Variants in PRKCH observed in about 807,000 individuals in gnomAD.
The protein encoded by PRKCH is protein kinase C eta.
PRKCH carries 28 observed loss-of-function variants against 82.5 expected under a neutral mutation model. The ratio of observed to expected loss-of-function variants is 0.34; its 90% CI spans 0.25 to 0.47. PRKCH has a LOEUF of 0.47. Among genes scored for constraint, PRKCH ranks in the 20% least tolerant of loss-of-function variants. The pLI, the probability that PRKCH is intolerant of heterozygous loss-of-function variation, is 1.00. For synonymous variants in PRKCH, 322 were observed against 327.4 expected (o/e 0.98, Z 0.18); for missense variants, 705 against 881.8 (o/e 0.80, Z 2.54).
At chr14:61,524,435 G>A (rs533575299) in intron 10 of PRKCH, among the ~76,000 whole-genome samples, 4 of 152,168 alleles carry the variant, frequency 2.6e-5, no homozygotes, top group African/African-American at 4.8e-5. Flanking sequence ...ATGGCAAGCC[G>A]GTAACTGTGG....
chr14:61,235,643 G>C (rs902466343), intron 1 of PRKCH, among the ~76,000 whole-genome samples: 1 of 152,226 alleles, frequency 6.6e-6, no homozygotes, highest in African/African-American at 2.4e-5. Flanking sequence ...AGGCAAAAGA[G>C]ATGCAACCAC....
chr14:61,423,533 G>A (rs1652260393), intron 2 of PRKCH, among the ~76,000 whole-genome samples: 2 of 152,226 alleles, frequency 1.3e-5, no homozygotes, highest in South Asian at 4.1e-4. Flanking sequence ...GGATGAGGAA[G>A]CACTTTTATG....
chr14:61,276,890 A>C (rs2045208112), intron 1 of PRKCH, among the ~76,000 whole-genome samples: 1 of 152,116 alleles, frequency 6.6e-6, no homozygotes, highest in East Asian at 1.9e-4. Context: ...TCTGAATCTT[A>C]ATAATTACAT....
intron 1 of PRKCH, among the ~76,000 whole-genome samples, chr14:61,255,836 C>G (rs1198085977): frequency 6.6e-6 from 1 of 152,118 alleles, no homozygotes; most frequent in Non-Finnish European, 1.5e-5. Flanking sequence ...GCCAAATTTC[C>G]TAATAATACG....
intron 1 of PRKCH, among the ~76,000 whole-genome samples, chr14:61,384,902 G>GT (rs1444008418): frequency 6.6e-6 from 1 of 152,096 alleles, no homozygotes; most frequent in Non-Finnish European, 1.5e-5. Context: ...AAATTTAGGT[G>GT]TAAGTTACAA....
chr14:61,202,332 G>T (rs574690521), intron 1 of PRKCH, among the ~76,000 whole-genome samples: 1 of 152,290 alleles, frequency 6.6e-6, no homozygotes, highest in East Asian at 1.9e-4. Flanking sequence ...TTCCTCTTCC[G>T]GTCTGTGTCT....
At chr14:61,344,986 A>T (rs184727408) in intron 1 of PRKCH, among the ~76,000 whole-genome samples, 2 of 152,264 alleles carry the variant, frequency 1.3e-5, no homozygotes. Context: ...GAATGACCTT[A>T]TCATTAGGCT....
chr14:61,436,169 G>A lies in PRKCH; in HGVS notation c.428-6942G>A, dbSNP rs1409473392. Among the ~76,000 whole-genome samples, 3 of 152,230 alleles carry A rather than the reference G, an allele frequency of 2.0e-5. No homozygotes were observed. In the East Asian group the frequency reaches 5.8e-4, roughly 29 times the overall value. On this transcript the variant is annotated intron_variant, in intron 2 of 13. Transcript: ENST00000332981. ...TTCTAATCACTGTTCTGCTGGCAGA[G>A]GAGGCTGGAGTGATGAGTGAGCATG... is the stretch of plus-strand genomic sequence containing the variant.
chr14:61,489,390 AG>A (rs1886364207), intron 10 of PRKCH, among the ~76,000 whole-genome samples: 1 of 152,244 alleles, frequency 6.6e-6, no homozygotes, highest in African/African-American at 2.4e-5. Flanking sequence ...GTAGTACCTT[AG>A]GCTCCTCTGA....
intron 1 of PRKCH, among the ~76,000 whole-genome samples, chr14:61,310,184 A>G (rs928491776): frequency 2.0e-5 from 3 of 152,140 alleles, no homozygotes; most frequent in Non-Finnish European, 4.4e-5. Flanking sequence ...TTCAAAACCA[A>G]TCATGCCTTC....
intron 1 of PRKCH, among the ~76,000 whole-genome samples, chr14:61,262,485 T>C (rs149339605): frequency 2.0e-4 from 30 of 152,196 alleles, no homozygotes; most frequent in Non-Finnish European, 3.2e-4. Context: ...ATGGGCAAAA[T>C]TAATCTATAG....
At chr14:61,246,134 G>A (rs1051819100) in intron 1 of PRKCH, among the ~76,000 whole-genome samples, 1 of 151,990 alleles carries the variant, frequency 6.6e-6, no homozygotes, top group Admixed American at 6.5e-5. Context: ...GGCCAGGCGC[G>A]GTGGCTCACA....
At chr14:61,441,518 G>A (rs532315622) in intron 2 of PRKCH, among the ~76,000 whole-genome samples, 12 of 152,274 alleles carry the variant, frequency 7.9e-5, no homozygotes, top group Admixed American at 5.2e-4. Flanking sequence ...TTATGCGTCC[G>A]TCTTGGGTAG....
At chr14:61,502,052 TTTC>T (rs1886932852) in intron 10 of PRKCH, among the ~76,000 whole-genome samples, 1 of 98,504 alleles carries the variant, frequency 1.0e-5, no homozygotes, top group Admixed American at 1.2e-4. Flanking sequence ...TTTCTTTTCT[TTTC>T]TTTTCTTTTC....
Position 61,329,234 on chromosome 14 carries a change from C to CTTTT in PRKCH, c.363+6787_363+6790dup, listed in dbSNP as rs71117812. 2.3e-3 allele frequency among the ~76,000 whole-genome samples: 143 copies of CTTTT among 63,452 alleles called. 34 individuals carry two copies. In the South Asian group the frequency reaches 0.03, roughly 13 times the overall value. 41.6% of individuals were successfully genotyped at this position (63,452 alleles called of 152,430 possible). ...ACTGCTCTTAGATAAACTCCTGAGT[C>CTTTT]TTTTTTTTTTTTTTTTTTTTGAGAC... On this transcript the variant is annotated intron_variant, in intron 1 of 13. Transcript: ENST00000332981.
At chr14:61,210,111 A>ATAT (rs2044559213) in intron 1 of PRKCH, among the ~76,000 whole-genome samples, 1 of 87,404 alleles carries the variant, frequency 1.1e-5, no homozygotes, top group African/African-American at 3.9e-5. Flanking sequence ...CAAACAAACA[A>ATAT]ATATATATAT....
intron 1 of PRKCH, among the ~76,000 whole-genome samples, chr14:61,300,108 T>C (rs1365424303): frequency 6.6e-6 from 1 of 152,218 alleles, no homozygotes; most frequent in African/African-American, 2.4e-5. Flanking sequence ...TCTCATAATA[T>C]AGTTTTCCTT....
intron 10 of PRKCH, 52 bp downstream of exon 10, chr14:61,485,708 T>C (rs768647318): frequency 6.4e-7 from 1 of 1,560,196 alleles, no homozygotes; most frequent in South Asian, 1.2e-5. Flanking sequence ...TTCCCTCTCC[T>C]GGTATGATCC....
At chr14:61,234,652 A>T (rs1378212964) in intron 1 of PRKCH, among the ~76,000 whole-genome samples, 5 of 152,210 alleles carry the variant, frequency 3.3e-5, no homozygotes, top group Admixed American at 3.3e-4. Context: ...ATTGCTGTAC[A>T]GTGTGTTCCT....
Sources: allele counts gnomAD v4.1 joint callset (sites outside exome capture counted in the v4.1 genomes callset), GRCh38; gene constraint gnomAD v4.1.1; transcripts MANE v1.5; gene names NCBI Gene and HGNC (gene_info 2026-07-23, HGNC 2026-07-21).